The following CARMIL1 variants were observed in gnomAD, a reference collection of about 807,000 sequenced individuals.
CARMIL1 encodes capping protein regulator and myosin 1 linker 1.
Under a neutral mutation model 177.1 loss-of-function variants are expected in CARMIL1, and 90 were observed. The ratio of observed to expected loss-of-function variants is 0.51; its 90% confidence interval spans 0.43 to 0.61. CARMIL1 has a LOEUF of 0.61. Among genes scored for constraint, CARMIL1 ranks in the 20% least tolerant of loss-of-function variants. The pLI, the probability that CARMIL1 is intolerant of heterozygous loss-of-function variation, is 0.00. For missense variants in CARMIL1, 1,380 were observed against 1,667.0 expected (o/e 0.83, Z 3.00); for synonymous variants, 577 against 606.2 (o/e 0.95, Z 0.71).
intron 2 of CARMIL1, among the ~76,000 whole-genome samples, chr6:25,402,736 C>G (rs1228752543): frequency 2.0e-5 from 3 of 152,164 alleles, no homozygotes; most frequent in African/African-American, 7.2e-5. Flanking sequence ...CTGGTGGCTC[C>G]TGTATCTGAA....
chr6:25,534,260 A>G (rs1207710493), intron 24 of CARMIL1, among the ~76,000 whole-genome samples: 2 of 151,940 alleles, frequency 1.3e-5, no homozygotes, highest in African/African-American at 4.8e-5. Context: ...TCTAGAGCTC[A>G]CAATTGTGGG....
intron 24 of CARMIL1, among the ~76,000 whole-genome samples, chr6:25,536,158 G>A (rs1162711465): frequency 6.6e-6 from 1 of 152,080 alleles, no homozygotes; most frequent in Non-Finnish European, 1.5e-5. Flanking sequence ...TTCTTAGTGT[G>A]TGGTTTGTCT....
At chr6:25,398,405 A>G (rs963325254) in intron 2 of CARMIL1, among the ~76,000 whole-genome samples, 4 of 152,166 alleles carry the variant, frequency 2.6e-5, no homozygotes, top group African/African-American at 4.8e-5. Context: ...TTGTCCCCCA[A>G]AGGTTTCACA....
At chr6:25,496,750 G>A (rs548445329) in intron 16 of CARMIL1, among the ~76,000 whole-genome samples, 30 of 152,280 alleles carry the variant, frequency 2.0e-4, no homozygotes, top group African/African-American at 7.0e-4. Context: ...CGGATGACAG[G>A]ATAGGAAGCA....
intron 4 of CARMIL1, among the ~76,000 whole-genome samples, chr6:25,431,863 A>G (rs1796819873): frequency 6.6e-6 from 1 of 152,136 alleles, no homozygotes; most frequent in African/African-American, 2.4e-5. Context: ...CTTCAATTTA[A>G]CTTTGACCCA....
At chr6:25,517,321 A>G (rs1396541422) in intron 21 of CARMIL1, 26 bp from the exon 22 acceptor site, 1 of 1,576,444 alleles carries the variant, frequency 6.3e-7, no homozygotes, top group East Asian at 2.2e-5. Flanking sequence ...GTGTCTGATC[A>G]TTTATGTGAT....
intron 2 of CARMIL1, among the ~76,000 whole-genome samples, chr6:25,333,006 T>G (rs778139934): frequency 3.3e-5 from 5 of 152,136 alleles, no homozygotes; most frequent in Non-Finnish European, 7.4e-5. Context: ...GGCTCTCTTT[T>G]TCTGCTGGAG....
rs780201923 is a variant in CARMIL1, at chr6:25,449,885, G to T, written c.372-13G>T. On this transcript the variant is annotated splice_polypyrimidine_tract_variant and intron_variant, in intron 5 of 36. Transcript: ENST00000329474. ...GTGGTTTGTGAAATGTGTTGTTGTT[G>T]TTGATCTTACAGGAGAATCATGAAA... is the stretch of plus-strand genomic sequence containing the variant. The T allele has an allele frequency of 1.3e-6, 2 of 1,544,054 alleles. No individual in the cohort carries two copies. Among genetic ancestry groups the T allele is most frequent in the Non-Finnish European group, 1.8e-6 (2 of 1,126,020 alleles).
At position 25,418,117 on chromosome 6, in the gene CARMIL1, G is replaced by C. The variant is rs566194833; in HGVS notation, c.139-1997G>C. Among the ~76,000 whole-genome samples the C allele has an allele frequency of 1.6e-3, 237 of 152,284 alleles. 1 individual carries two copies. Among genetic ancestry groups the C allele is most frequent in the Middle Eastern group, 3.4e-3 (1 of 294 alleles). ...GTAAATGCAGCCAGAAAGTGGCAGA[G>C]CCAGAATCTGAATGTAAGTCTTTCT... On this transcript the variant is annotated intron_variant, in intron 2 of 36. Coordinates refer to ENST00000329474, the MANE Select transcript of CARMIL1 (RefSeq NM_017640.6).
At chr6:25,589,106 A>T (rs1027455430) in intron 31 of CARMIL1, among the ~76,000 whole-genome samples, 6 of 152,148 alleles carry the variant, frequency 3.9e-5, no homozygotes, top group African/African-American at 1.4e-4. Flanking sequence ...TCAGCCCCTC[A>T]TCTGGTGCTT....
chr6:25,537,873 G>T lies in CARMIL1; in HGVS notation c.2086G>T (p.Val696Leu). 6.2e-7 allele frequency: 1 copy of T among 1,610,888 alleles called. No individual in the cohort carries two copies. Among genetic ancestry groups the T allele is most frequent in the East Asian group, 2.2e-5 (1 of 44,836 alleles). ...TTQQMIDRIC[V>L]KVQDHLNSLR... is the part of the protein sequence containing the mutation. ...GGAGCAGATGATTGACAGAATATGT[G>T]TGAAAGTACAAGATCATCTCAACTC... The change falls in exon 25 of 37, where the codon GTG becomes TTG. Residue 696 changes from valine to leucine, a missense_variant. Physicochemically the swap from Val to Leu is conservative, Grantham distance 32. Coordinates refer to ENST00000329474, the MANE Select transcript of CARMIL1 (RefSeq NM_017640.6).
chr6:25,444,149 T>G (rs1798008131), intron 5 of CARMIL1, among the ~76,000 whole-genome samples: 1 of 152,164 alleles, frequency 6.6e-6, no homozygotes, highest in Non-Finnish European at 1.5e-5. Flanking sequence ...CCACATCAAT[T>G]GACCCTTTCT....
At chr6:25,390,320 A>ATATATTTTTTTT (rs1554184839) in intron 2 of CARMIL1, among the ~76,000 whole-genome samples, 1 of 58,106 alleles carries the variant, frequency 1.7e-5, no homozygotes, top group African/African-American at 6.2e-5. Context: ...ATATATATAT[A>ATATATTTTTTTT]TTTTTTTTTT....
intron 12 of CARMIL1, among the ~76,000 whole-genome samples, chr6:25,485,409 A>T (rs184634518): frequency 2.0e-5 from 3 of 152,314 alleles, no homozygotes; most frequent in Non-Finnish European, 4.4e-5. Flanking sequence ...TGACTTGAAG[A>T]ATTTTTATCT....
intron 2 of CARMIL1, among the ~76,000 whole-genome samples, chr6:25,356,050 CTTTTT>C (rs5875031): frequency 1.7e-5 from 2 of 120,332 alleles, no homozygotes; most frequent in Non-Finnish European, 1.8e-5. Flanking sequence ...TCTAAGACTT[CTTTTT>C]TTTTTTTTTT....
At chr6:25,412,156 T>C (rs1794957794) in intron 2 of CARMIL1, among the ~76,000 whole-genome samples, 1 of 152,244 alleles carries the variant, frequency 6.6e-6, no homozygotes, top group East Asian at 1.9e-4. Flanking sequence ...GATATTAAAA[T>C]GTAAATAACA....
chr6:25,542,971 C>T (rs748203503), intron 26 of CARMIL1, among the ~76,000 whole-genome samples: 228 of 152,164 alleles, frequency 1.5e-3, no homozygotes, highest in Non-Finnish European at 2.9e-3. Context: ...TTTTCTGTTT[C>T]CCACATTCTC....
intron 2 of CARMIL1, chr6:25,383,586 T>C (rs215012): frequency 0.44 from 67,094 of 152,028 alleles, 15,015 homozygotes; most frequent in Non-Finnish European, 0.48. Context: ...TATCTTGAAA[T>C]AGAAAAACTG....
intron 2 of CARMIL1, among the ~76,000 whole-genome samples, chr6:25,322,128 G>T (rs1340669029): frequency 6.6e-6 from 1 of 150,900 alleles, no homozygotes; most frequent in African/African-American, 2.4e-5. Context: ...TGGTGTTTTT[G>T]TTTTTGTTTT....
Sources: allele counts gnomAD v4.1 joint callset (sites outside exome capture counted in the v4.1 genomes callset), GRCh38; gene constraint gnomAD v4.1.1; transcripts MANE v1.5; gene names NCBI Gene and HGNC (gene_info 2026-07-23, HGNC 2026-07-21).